CELF1: variants seen among roughly 807,000 people sequenced by gnomAD.
CELF1 encodes the protein 50 kDa nuclear polyadenylated RNA-binding protein.
In CELF1, 10 loss-of-function variants were observed where a neutral mutation model predicts 61.8. That is an observed-to-expected ratio of 0.16 (90% CI 0.10 to 0.27). CELF1 has a LOEUF of 0.27. Among genes scored for constraint, CELF1 ranks in the 10% least tolerant of loss-of-function variants. The pLI is 1.00. For synonymous variants in CELF1, 236 were observed against 225.1 expected, an observed-to-expected ratio of 1.05 and a Z score of -0.43; for missense variants, 380 against 639.1, an observed-to-expected ratio of 0.59 and a Z score of 4.37.
intron 2 of CELF1, among the ~76,000 whole-genome samples, chr11:47,558,577 A>ATTTTATTT (rs2097213991): frequency 9.9e-6 from 1 of 100,678 alleles, no homozygotes; most frequent in Non-Finnish European, 1.8e-5. Context: ...ATATATAAAT[A>ATTTTATTT]TATATATATA....
chr11:47,475,289 A>G, intron 13 of CELF1, 47 bp downstream of exon 13: 1 of 1,588,304 alleles, frequency 6.3e-7, no homozygotes, highest in Non-Finnish European at 8.6e-7. Context: ...CTGGTATAGG[A>G]GGAAAACCGC....
intron 1 of CELF1, among the ~76,000 whole-genome samples, chr11:47,503,857 T>C (rs1036111043): frequency 1.3e-5 from 2 of 152,222 alleles, no homozygotes; most frequent in East Asian, 1.9e-4. Flanking sequence ...ATTTCTGTTA[T>C]TGTTACAAAA....
At chr11:47,542,470 AC>A (rs1455066150) in intron 1 of CELF1, among the ~76,000 whole-genome samples, 3 of 151,544 alleles carry the variant, frequency 2.0e-5, no homozygotes, top group Non-Finnish European at 4.4e-5. Flanking sequence ...CACTAAAAAA[AC>A]CTCATCATTC....
chr11:47,512,130 G>A (rs2095242427), intron 1 of CELF1, among the ~76,000 whole-genome samples: 1 of 151,558 alleles, frequency 6.6e-6, no homozygotes, highest in African/African-American at 2.4e-5. Flanking sequence ...AGGATTACAG[G>A]AGTGAGCCAC....
At chr11:47,474,032 G>A (rs1225313700) in intron 13 of CELF1, among the ~76,000 whole-genome samples, 5 of 151,912 alleles carry the variant, frequency 3.3e-5, no homozygotes, top group African/African-American at 1.2e-4. Flanking sequence ...TCAGCCTCCC[G>A]AGTAGCTGGG....
At chr11:47,537,253 TTTTTTTTTTTTTG>T (rs1283657389) in intron 1 of CELF1, among the ~76,000 whole-genome samples, 1 of 151,038 alleles carries the variant, frequency 6.6e-6, no homozygotes, top group East Asian at 1.9e-4. Flanking sequence ...AAATTTTTTT[TTTTTTTTTTTTTG>T]GGACAGAGTC....
intron 1 of CELF1, among the ~76,000 whole-genome samples, chr11:47,520,485 T>C (rs1173784790): frequency 3.3e-5 from 5 of 152,120 alleles, no homozygotes; most frequent in Non-Finnish European, 7.3e-5. Flanking sequence ...TGTAAGGGCA[T>C]CTCCGGAAGA....
intron 2 of CELF1, among the ~76,000 whole-genome samples, chr11:47,563,354 C>A (rs2153791977): frequency 6.6e-6 from 1 of 152,288 alleles, no homozygotes. Flanking sequence ...TGAGTCTCTG[C>A]TAATTCATAA....
chr11:47,547,650 CAA>C lies in CELF1; in HGVS notation c.-154+5340_-154+5341del, dbSNP rs1598551317. Among the ~76,000 whole-genome samples the C allele has an allele frequency of 3.2e-5, 4 of 123,532 alleles. No homozygotes were observed. In the East Asian group the frequency reaches 9.7e-4, roughly 30 times the overall value. The allele number at this position is 123,532 out of a possible 152,430, so 81.0% of individuals were successfully genotyped here. Reference sequence around the variant, plus strand: ...CGCCACTGCACTCCAGTCTAGGCGACAAGAGCGAAACTCCATCTCAAAAAAAA... The same window carrying C: ...CGCCACTGCACTCCAGTCTAGGCGACGAGCGAAACTCCATCTCAAAAAAAA... On this transcript the variant is annotated intron_variant, in intron 1 of 14. Transcript: ENST00000687097.
In CELF1 at chr11:47,482,829, A is replaced by G; in HGVS notation, c.634T>C (p.Phe212Leu). 6.2e-7 allele frequency: 1 copy of G among 1,614,024 alleles called. No homozygotes were observed. The highest frequency in any genetic ancestry group is 8.5e-7 in the Non-Finnish European group (1 of 1,179,972). ...TCTTTGTCCTTCTGTGTATCAGCAA[A>G]TTTTACCACCATGGGTGATGAGCAA... ...EGCSSPMVVK[F>L]ADTQKDKEQK... The change falls in exon 9 of 15, where the codon TTT becomes CTT. Residue 212 changes from phenylalanine (F) to leucine (L), a missense_variant. Phe to Leu is a conservative substitution (Grantham distance 22, BLOSUM62 0). Coordinates refer to ENST00000687097, the MANE Select transcript of CELF1 (RefSeq NM_001376376.1).
At chr11:47,526,724 T>C (rs1174067629) in intron 1 of CELF1, among the ~76,000 whole-genome samples, 2 of 152,210 alleles carry the variant, frequency 1.3e-5, no homozygotes, top group African/African-American at 2.4e-5. Context: ...TTTATGCTGA[T>C]ATAACTATGA....
chr11:47,511,041 G>T (rs1019274244), intron 1 of CELF1, among the ~76,000 whole-genome samples: 3 of 151,918 alleles, frequency 2.0e-5, no homozygotes, highest in Non-Finnish European at 2.9e-5. Flanking sequence ...AAAAAAATTA[G>T]ATGGGTGTGG....
At chr11:47,480,515 C>T (rs73461723) in intron 9 of CELF1, among the ~76,000 whole-genome samples, 2,646 of 152,266 alleles carry the variant, frequency 0.017, 46 homozygotes, top group African/African-American at 0.049. Flanking sequence ...CTAACCAAAA[C>T]AAAGAGAACA....
chr11:47,531,948 ATGAC>A (rs1336745511), intron 1 of CELF1, among the ~76,000 whole-genome samples: 4 of 152,128 alleles, frequency 2.6e-5, no homozygotes. Context: ...TTTTCTTGTC[ATGAC>A]TGACAAGCAT....
chr11:47,559,181 C>T lies in CELF1; in HGVS notation c.-11+5170G>A, dbSNP rs537453095. ...CGCAATCTCAGCTCACCACAACCTCCGTCTCCCGGATTCAAGCAATTCTCC... is the reference window on the plus strand; with the variant it reads ...CGCAATCTCAGCTCACCACAACCTCTGTCTCCCGGATTCAAGCAATTCTCC... On this transcript the variant is annotated intron_variant, in intron 2 of 3. Coordinates refer to the CELF1 transcript ENST00000525841. Among the ~76,000 whole-genome samples the T allele has an allele frequency of 3.3e-5, 5 of 149,268 alleles. No individual in the cohort carries two copies. The East Asian group carries it at 5.9e-4, about 18-fold the overall frequency.
chr11:47,490,432 T>G (rs929462680), intron 3 of CELF1, among the ~76,000 whole-genome samples: 11 of 151,236 alleles, frequency 7.3e-5, no homozygotes, highest in African/African-American at 2.4e-4. Context: ...CTAGTTTTTT[T>G]TTTTTTTTTT....
chr11:47,521,750 C>T (rs2095905167), intron 1 of CELF1, among the ~76,000 whole-genome samples: 1 of 152,138 alleles, frequency 6.6e-6, no homozygotes, highest in African/African-American at 2.4e-5. Context: ...AAAATTTCAG[C>T]CTGTTACATG....
intron 1 of CELF1, among the ~76,000 whole-genome samples, chr11:47,546,204 C>T (rs975505076): frequency 1.4e-5 from 2 of 141,002 alleles, no homozygotes; most frequent in African/African-American, 5.4e-5. Context: ...AGGAGAAAGG[C>T]CTTTCATGCA....
Position 47,471,247 on chromosome 11 carries a change from A to C in CELF1, c.*983T>G, listed in dbSNP as rs2077629468. On this transcript the variant is annotated 3_prime_UTR_variant, in exon 15 of 15. Transcript: ENST00000687097. ...ACAAATGGTACCCCCTTCAGCAAGA[A>C]CTGCAAGCCCTTCTTGGATTTGCCT... 1 of 152,216 alleles carries C rather than the reference A, an allele frequency of 6.6e-6. No homozygotes were observed. Among genetic ancestry groups the C allele is most frequent in the African/African-American group, 2.4e-5 (1 of 41,442 alleles). The allele number at this position is 152,216 out of a possible 1,614,324, so 9.4% of individuals were successfully genotyped here.
Sources: gnomAD v4.1 joint callset for allele counts (sites outside exome capture counted in the v4.1 genomes callset) on GRCh38, gnomAD v4.1.1 for gene constraint, MANE v1.5 for transcripts, NCBI Gene and HGNC (gene_info 2026-07-23, HGNC 2026-07-21) for gene names.